The following JAK2 variants were observed in gnomAD, a reference collection of about 807,000 sequenced individuals.
The protein encoded by JAK2 is tyrosine-protein kinase JAK2.
A neutral mutation model predicts 139.3 loss-of-function variants in JAK2; 86 were observed. The observed-to-expected ratio is 0.62, with a 90% CI of 0.52 to 0.74. The LOEUF (loss-of-function observed/expected upper bound fraction) is 0.74. JAK2 is among the 30% of genes least tolerant of loss of function. The probability of loss-of-function intolerance (pLI) is 0.00; values close to 1 mark genes in which losing one functional copy is unlikely to be tolerated. For synonymous variants in JAK2, 490 were observed against 437.7 expected (o/e 1.12, Z -1.49); for missense variants, 1,421 against 1,360.3 (o/e 1.04, Z -0.70).
intron 22 of JAK2, chr9:5,113,686 C>G (rs1477189289): frequency 6.1e-6 from 1 of 164,698 alleles, no homozygotes; most frequent in African/African-American, 2.4e-5. Context: ...GGGACACAGG[C>G]TCCCTCAACA....
chr9:5,116,245 A>T (rs1227374131), intron 22 of JAK2, among the ~76,000 whole-genome samples: 4 of 152,172 alleles, frequency 2.6e-5, no homozygotes, highest in African/African-American at 9.7e-5. Context: ...CTGGACCAGG[A>T]TTTAAACCCA....
rs1240780149 is a variant in JAK2 at position 5,114,668 on chromosome 9, T to C, written c.3060-8336T>C. 2.3e-5 allele frequency: 10 copies of C among 441,908 alleles called. No homozygotes were observed. In the East Asian group the frequency reaches 4.8e-4, roughly 21 times the overall value. The allele number at this position is 441,908 out of a possible 1,614,324, so 27.4% of individuals were successfully genotyped here. A position where few individuals can be genotyped will look rare whatever the true frequency, so the allele number is the denominator to read the frequency against. ...CGCAGCCCCGCAAAACCAAGGGCTC[T>C]GGCGTCTTAGTCTTCAGCTGCCTGG... On this transcript the variant is annotated intron_variant, in intron 22 of 24. Transcript: ENST00000381652.
intron 4 of JAK2, among the ~76,000 whole-genome samples, chr9:5,043,186 C>CAGCG (rs771494726): frequency 2.1e-4 from 32 of 152,334 alleles, no homozygotes; most frequent in South Asian, 6.2e-4. Flanking sequence ...GGCGGACTCC[C>CAGCG]AGCGGGTCAG....
intron 20 of JAK2, 123 bp downstream of exon 20, chr9:5,089,986 T>C (rs1820452471): frequency 9.6e-6 from 5 of 522,644 alleles, no homozygotes; most frequent in Non-Finnish European, 1.5e-5. Flanking sequence ...AGGCATTCTA[T>C]AATGACTAGA....
At chr9:4,997,539 T>A (rs977011007) in intron 2 of JAK2, among the ~76,000 whole-genome samples, 3 of 152,160 alleles carry the variant, frequency 2.0e-5, no homozygotes, top group African/African-American at 2.4e-5. Flanking sequence ...AAACCATTCA[T>A]GAGAAATCCA....
At chr9:4,995,085 A>G (rs563770325) in intron 2 of JAK2, among the ~76,000 whole-genome samples, 30 of 152,302 alleles carry the variant, frequency 2.0e-4, no homozygotes, top group African/African-American at 7.0e-4. Context: ...CTTTACTAAC[A>G]TTGTGTTTTC....
rs1328994077 is a variant in JAK2 at position 5,054,351 on chromosome 9, CTT to C, written c.615-211_615-210del. Among the ~76,000 whole-genome samples the C allele has an allele frequency of 2.0e-5, 3 of 152,036 alleles. No individual in the cohort carries two copies. In the East Asian group the frequency reaches 5.8e-4, roughly 29 times the overall value. ...CTTCTTTTGTAAACATTGATGATAA[CTT>C]AGAGTGTGTGGATATATTTATATCA... On this transcript the variant is annotated intron_variant, in intron 6 of 24. Coordinates refer to ENST00000381652, the MANE Select transcript of JAK2 (RefSeq NM_004972.4). This position sits in a 1 kb window ranked among gnomAD's most constrained non-coding sequence, Gnocchi z 4.9.
At chr9:5,045,451 T>A (rs1461384668) in intron 5 of JAK2, among the ~76,000 whole-genome samples, 1 of 152,314 alleles carries the variant, frequency 6.6e-6, no homozygotes, top group East Asian at 1.9e-4. Flanking sequence ...CCATTTTAAG[T>A]GTACAGTTCA....
At chr9:4,986,706 A>T (rs1288804284) in intron 2 of JAK2, among the ~76,000 whole-genome samples, 1 of 152,152 alleles carries the variant, frequency 6.6e-6, no homozygotes, top group African/African-American at 2.4e-5. Context: ...AAAATTTTGG[A>T]ATGTTTGCAT....
intron 9 of JAK2, 151 bp downstream of exon 9, chr9:5,065,191 T>A (rs1447142918): frequency 2.2e-6 from 1 of 451,972 alleles, no homozygotes; most frequent in African/African-American, 2.0e-5. Context: ...GATTACATAA[T>A]AATTAGAATT....
At chr9:4,994,488 C>T (rs753968280) in intron 2 of JAK2, among the ~76,000 whole-genome samples, 3 of 152,074 alleles carry the variant, frequency 2.0e-5, no homozygotes, top group Non-Finnish European at 4.4e-5. Flanking sequence ...GATCTGGGGC[C>T]TAGATTGTGA....
chr9:5,062,500 T>TAA (rs58424625), intron 8 of JAK2, among the ~76,000 whole-genome samples: 1,123 of 57,952 alleles, frequency 0.019, 90 homozygotes, highest in Non-Finnish European at 0.025. Flanking sequence ...CTTCCATTTG[T>TAA]AAAAAAAAAA....
intron 2 of JAK2, among the ~76,000 whole-genome samples, chr9:5,005,800 G>A (rs1400668743): frequency 6.6e-6 from 1 of 152,186 alleles, no homozygotes; most frequent in Non-Finnish European, 1.5e-5. Context: ...TTTCTATGTG[G>A]AAAAGTTTTA....
Position 5,081,823 on chromosome 9 carries a change from G to A in JAK2, c.2533G>A (p.Glu845Lys). The A allele has an allele frequency of 6.2e-7, 1 of 1,613,746 alleles. No homozygotes were observed. The highest frequency in any genetic ancestry group is 8.5e-7 in the Non-Finnish European group (1 of 1,179,672). The change falls in exon 19 of 25, where the codon GAA (glutamate) becomes AAA (lysine). Residue 845 changes from glutamate (E) to lysine (K), a missense_variant. Physicochemically the swap from Glu to Lys is moderately conservative, Grantham distance 56 (BLOSUM62 1). Coordinates refer to ENST00000381652, the MANE Select transcript of JAK2 (RefSeq NM_004972.4). ...TGAAGACCGGGATCCTACACAGTTT[G>A]AAGAGAGACATTTGAAATTTCTACA... ...AFEDRDPTQF[E>K]ERHLKFLQQL...
At chr9:5,104,045 G>A (rs906543962) in intron 22 of JAK2, among the ~76,000 whole-genome samples, 4 of 152,286 alleles carry the variant, frequency 2.6e-5, no homozygotes, top group African/African-American at 9.6e-5. Context: ...AAAGCTAGCA[G>A]AAGGCAAGAA....
chr9:5,092,559 T>C (rs1041706915), intron 22 of JAK2, among the ~76,000 whole-genome samples: 1 of 152,000 alleles, frequency 6.6e-6, no homozygotes, highest in Non-Finnish European at 1.5e-5. Context: ...GAATAGGCAA[T>C]AGAAATTCTT....
In JAK2 at chr9:5,035,714, A is replaced by G. The variant is rs545028227; in HGVS notation, c.350+5808A>G. Among the ~76,000 whole-genome samples the G allele has an allele frequency of 4.6e-5, 7 of 152,346 alleles. No homozygotes were observed. The East Asian group carries it at 1.3e-3, about 29-fold the overall frequency. On this transcript the variant is annotated intron_variant, in intron 4 of 24. Transcript: ENST00000381652. ...GCTAAAAACTCTCAATAAATTAGGTATTGATGGGACGTGTCTCAAAATAAT... is the reference window on the plus strand; with the variant it reads ...GCTAAAAACTCTCAATAAATTAGGTGTTGATGGGACGTGTCTCAAAATAAT...
intron 22 of JAK2, among the ~76,000 whole-genome samples, chr9:5,121,587 T>C (rs577010284): frequency 6.6e-6 from 1 of 152,144 alleles, no homozygotes; most frequent in East Asian, 1.9e-4. Flanking sequence ...TCCCAAGAGA[T>C]AGTTACACGT....
At chr9:5,013,222 A>T (rs567210017) in intron 2 of JAK2, among the ~76,000 whole-genome samples, 11 of 150,578 alleles carry the variant, frequency 7.3e-5, no homozygotes, top group African/African-American at 2.4e-4. Flanking sequence ...CTTTTGTGAT[A>T]AAAAAAAATA....
Sources: gnomAD v4.1 joint callset for allele counts (sites outside exome capture counted in the v4.1 genomes callset) on GRCh38, gnomAD v4.1.1 for gene constraint, Gnocchi (gnomAD v3.1) non-coding constraint, MANE v1.5 for transcripts, NCBI Gene and HGNC (gene_info 2026-07-23, HGNC 2026-07-21) for gene names.